Variants in EDEM3 observed in about 807,000 individuals in gnomAD.
The protein encoded by EDEM3 is ER degradation-enhancing alpha-mannosidase-like protein 3.
A neutral mutation model predicts 110.2 loss-of-function variants in EDEM3; 60 were observed. The observed-to-expected ratio is 0.54, with a 90% confidence interval of 0.44 to 0.67. The LOEUF (loss-of-function observed/expected upper bound fraction) is 0.67, where lower values mean the gene tolerates loss of function less well. Among genes scored for constraint, EDEM3 ranks in the 30% least tolerant of loss-of-function variants. EDEM3 has a pLI of 0.00. For synonymous variants in EDEM3, 352 were observed against 382.9 expected, an observed-to-expected ratio of 0.92 and a Z score of 0.94; for missense variants, 996 against 1,121.0, an observed-to-expected ratio of 0.89 and a Z score of 1.59.
In EDEM3 at chr1:184,744,163, AATATATCCAAAGC is replaced by A. The variant is rs1652289191; in HGVS notation, c.204+5371_204+5383del. On this transcript the variant is annotated intron_variant, in intron 2 of 19. Coordinates refer to ENST00000318130, the MANE Select transcript of EDEM3 (RefSeq NM_025191.4). The stretch of plus-strand genomic sequence containing the variant: ...GAATGTAAAGCACAGACTGGGAGAA[AATATATCCAAAGC>A]ATATATTTGATAAGGGACTAATATC... Among the ~76,000 whole-genome samples, 5 of 150,240 alleles carry A rather than the reference AATATATCCAAAGC, an allele frequency of 3.3e-5. No individual in the cohort carries two copies. In the South Asian group the frequency reaches 1.0e-3, roughly 31 times the overall value.
Position 184,726,454 on chromosome 1 carries a change from CT to C in EDEM3, c.613-66del, listed in dbSNP as rs1651200159. 9 of 1,507,698 alleles carry C rather than the reference CT, an allele frequency of 6.0e-6. No individual in the cohort carries two copies. In the South Asian group the frequency reaches 1.1e-4, roughly 18 times the overall value. The allele number at this position is 1,507,698 out of a possible 1,614,324, so 93.4% of individuals were successfully genotyped here. On this transcript the variant is annotated intron_variant, in intron 6 of 19. Coordinates refer to ENST00000318130, the MANE Select transcript of EDEM3 (RefSeq NM_025191.4). ...ACAATGACCTTCTGATAAGAAACTA[CT>C]TTTCAATCAAGTCTTTGTATAAAAT...
chr1:184,695,884 A>G (rs539023771), intron 19 of EDEM3, among the ~76,000 whole-genome samples: 4 of 151,940 alleles, frequency 2.6e-5, no homozygotes, highest in Middle Eastern at 6.3e-3. Context: ...GCTGGGGCAC[A>G]GAAAACAATT....
chr1:184,747,426 G>A (rs971080), intron 2 of EDEM3, among the ~76,000 whole-genome samples: 2 of 152,042 alleles, frequency 1.3e-5, no homozygotes, highest in East Asian at 1.9e-4. Context: ...CTGTATTCTC[G>A]TTAATATTTT....
At position 184,754,697 on chromosome 1, in the gene EDEM3, C is replaced by T. The variant is rs1381213632; in HGVS notation, c.-51G>A. On this transcript the variant is annotated 5_prime_UTR_variant, in exon 1 of 20. It adds an upstream start codon to the 5' untranslated region. Coordinates refer to ENST00000318130, the MANE Select transcript of EDEM3 (RefSeq NM_025191.4). Reference sequence around the variant, plus strand: ...GCTGCTACGCCCGGCCGGTGAGACACATTGCTGGACGCTGGTGGCCAGGGG... The same window carrying T: ...GCTGCTACGCCCGGCCGGTGAGACATATTGCTGGACGCTGGTGGCCAGGGG... 2 of 1,477,952 alleles carry T rather than the reference C, an allele frequency of 1.4e-6. No individual in the cohort carries two copies. Among genetic ancestry groups the T allele is most frequent in the Non-Finnish European group, 1.8e-6 (2 of 1,117,430 alleles). 91.6% of individuals were successfully genotyped at this position (1,477,952 alleles called of 1,614,324 possible).
intron 18 of EDEM3, among the ~76,000 whole-genome samples, chr1:184,705,717 T>C (rs908329531): frequency 6.6e-6 from 1 of 152,158 alleles, no homozygotes; most frequent in African/African-American, 2.4e-5. Context: ...GAATCCAAAA[T>C]GGATTTCCCT....
chr1:184,702,447 C>A (rs186504328), intron 19 of EDEM3, among the ~76,000 whole-genome samples: 200 of 152,118 alleles, frequency 1.3e-3, no homozygotes, highest in African/African-American at 4.6e-3. Flanking sequence ...TCTTCTCATT[C>A]CTTATAAAAG....
chr1:184,708,587 G>A (rs1169650469), intron 16 of EDEM3, among the ~76,000 whole-genome samples: 2 of 152,154 alleles, frequency 1.3e-5, no homozygotes, highest in Non-Finnish European at 2.9e-5. Context: ...AACCACTTTT[G>A]ATTCAGATTG....
In EDEM3 at chr1:184,754,788, T is replaced by C; in HGVS notation, c.-142A>G. 3.8e-6 allele frequency: 5 copies of C among 1,324,846 alleles called. No individual in the cohort carries two copies. Among genetic ancestry groups the C allele is most frequent in the South Asian group, 3.3e-5 (2 of 61,134 alleles). 82.1% of individuals were successfully genotyped at this position (1,324,846 alleles called of 1,614,324 possible). On this transcript the variant is annotated 5_prime_UTR_variant, in exon 1 of 20. Transcript: ENST00000318130. ...ACGGACGGCCGCCGGCGCCAAACTG[T>C]TTCCCGAAGCCACCAAGCCGGTCCC...
At chr1:184,731,702 T>C (rs944664586) in intron 6 of EDEM3, among the ~76,000 whole-genome samples, 1 of 152,244 alleles carries the variant, frequency 6.6e-6, no homozygotes, top group African/African-American at 2.4e-5. Context: ...AATAATTCTG[T>C]GCCCAAGTTC....
Position 184,691,709 on chromosome 1 carries a change from G to A in EDEM3, c.*2354C>T, listed in dbSNP as rs1649072476. ...CAGTATGTCAAGTAAGTAAATGAAT[G>A]TAGAGTTGTAATTACAACGTTGGAG... is the stretch of plus-strand genomic sequence containing the variant. On this transcript the variant is annotated 3_prime_UTR_variant, in exon 20 of 20. Transcript: ENST00000318130. 1 of 151,690 alleles carries A rather than the reference G, an allele frequency of 6.6e-6. No homozygotes were observed. Among genetic ancestry groups the A allele is most frequent in the African/African-American group, 2.4e-5 (1 of 41,300 alleles). 9.4% of individuals were successfully genotyped at this position (151,690 alleles called of 1,614,324 possible).
intron 2 of EDEM3, among the ~76,000 whole-genome samples, chr1:184,741,167 G>A (rs183949048): frequency 1.1e-3 from 165 of 152,304 alleles, no homozygotes; most frequent in Middle Eastern, 0.01. Flanking sequence ...GGAGGCCAAG[G>A]TGGGTGAGTC....
chr1:184,701,679 G>A, intron 19 of EDEM3: 1 of 470,522 alleles, frequency 2.1e-6, no homozygotes, highest in Non-Finnish European at 3.3e-6. Context: ...GTTTAGAAAA[G>A]GGCCCAGGAA....
chr1:184,696,111 C>T lies in EDEM3; in HGVS notation c.2390-1639G>A, dbSNP rs111783767. On this transcript the variant is annotated intron_variant, in intron 19 of 19. Coordinates refer to ENST00000318130, the MANE Select transcript of EDEM3 (RefSeq NM_025191.4). ...TTGTCTCAAGAATCCCTCCCTAGGA[C>T]TCTCATCAAATAACGAGAAAAAAAA... Among the ~76,000 whole-genome samples, 1,145 of 151,960 alleles carry T rather than the reference C, an allele frequency of 7.5e-3. 14 individuals carry two copies. Among genetic ancestry groups the T allele is most frequent in the African/African-American group, 0.026 (1,095 of 41,464 alleles).
intron 7 of EDEM3, 104 bp downstream of exon 7, chr1:184,726,151 T>C: frequency 3.5e-6 from 5 of 1,412,516 alleles, no homozygotes; most frequent in Non-Finnish European, 4.7e-6. Flanking sequence ...TTCACTAAAA[T>C]AACAGTAATT....
intron 1 of EDEM3, among the ~76,000 whole-genome samples, chr1:184,750,279 T>C (rs529170142): frequency 2.6e-5 from 4 of 152,340 alleles, no homozygotes; most frequent in Admixed American, 6.5e-5. Context: ...TTTTGGCGAA[T>C]TCTGTTTCAC....
chr1:184,721,489 A>G (rs1650898638), intron 8 of EDEM3, 103 bp from the exon 9 acceptor site: 1 of 743,026 alleles, frequency 1.3e-6, no homozygotes, highest in African/African-American at 1.8e-5. Flanking sequence ...AACATTGTGC[A>G]TATATATGAC....
chr1:184,722,262 C>T (rs1197457109), intron 8 of EDEM3, among the ~76,000 whole-genome samples: 6 of 151,948 alleles, frequency 3.9e-5, no homozygotes, highest in Non-Finnish European at 8.8e-5. Context: ...TTTAAATCAA[C>T]ATATTATGTT....
At position 184,702,928 on chromosome 1, in the gene EDEM3, CTG is replaced by C; in HGVS notation, c.2270_2271del (p.Thr757ArgfsTer2). On this transcript the variant is annotated frameshift_variant, in exon 19 of 20. Coordinates refer to ENST00000318130, the MANE Select transcript of EDEM3 (RefSeq NM_025191.4). LOFTEE classifies it high-confidence loss of function. ...AACAGCATGGGGATCTTGATGTCATCTGTATCCTTTCCATCACCTGCCATCTG... is the reference window on the plus strand; with the variant it reads ...AACAGCATGGGGATCTTGATGTCATCTATCCTTTCCATCACCTGCCATCTG... ...LFQMAGDGKD[T>X]DDIKIPMLFL... 2.5e-6 allele frequency: 4 copies of C among 1,613,644 alleles called. No individual in the cohort carries two copies. The highest frequency in any genetic ancestry group is 3.4e-6 in the Non-Finnish European group (4 of 1,179,762).
intron 19 of EDEM3, among the ~76,000 whole-genome samples, chr1:184,695,710 G>C (rs935078575): frequency 1.8e-4 from 28 of 151,964 alleles, no homozygotes; most frequent in Non-Finnish European, 1.5e-5. Context: ...AGGGAGAACT[G>C]TAAGGAGATT....
Sources: allele counts gnomAD v4.1 joint callset (sites outside exome capture counted in the v4.1 genomes callset), GRCh38; gene constraint gnomAD v4.1.1; transcripts MANE v1.5; gene names NCBI Gene and HGNC (gene_info 2026-07-23, HGNC 2026-07-21).